Variants in L3MBTL3 observed in about 807,000 individuals in gnomAD.
L3MBTL3 encodes L3MBTL histone methyl-lysine binding protein 3.
Under a neutral mutation model 102.3 loss-of-function variants are expected in L3MBTL3, and 27 were observed. The ratio of observed to expected loss-of-function variants is 0.26; its 90% CI spans 0.19 to 0.36. The LOEUF (loss-of-function observed/expected upper bound fraction) is 0.36. Among genes scored for constraint, L3MBTL3 ranks in the 10% least tolerant of loss-of-function variants. The probability of loss-of-function intolerance (pLI) is 1.00; values close to 1 mark genes in which losing one functional copy is unlikely to be tolerated. For missense variants in L3MBTL3, 798 were observed against 955.3 expected (o/e 0.84, Z 2.17); for synonymous variants, 340 against 320.9 (o/e 1.06, Z -0.64).
In L3MBTL3 at chr6:130,064,361, T is replaced by G. The variant is rs75252976; in HGVS notation, c.865-1992T>G. ...GGGTAACTGGGTTTGCAGACTGGAA[T>G]AGGAGTATGTGTCCCAGGGTTGGAT... On this transcript the variant is annotated intron_variant, in intron 10 of 22. Transcript: ENST00000361794. Among the ~76,000 whole-genome samples, 100 of 152,172 alleles carry G rather than the reference T, an allele frequency of 6.6e-4. 1 individual carries two copies. In the East Asian group the frequency reaches 0.019, roughly 29 times the overall value.
At position 130,107,990 on chromosome 6, in the gene L3MBTL3, C is replaced by T. The variant is rs114446293; in HGVS notation, c.1886+3415C>T. On this transcript the variant is annotated intron_variant, in intron 19 of 22. Coordinates refer to ENST00000361794, the MANE Select transcript of L3MBTL3 (RefSeq NM_032438.4). ...AGCAAGAGCAACACCATGGTGTTTT[C>T]TGTTCCTCCAGAAAAGAGCAGCAGA... 3.3e-3 allele frequency among the ~76,000 whole-genome samples: 509 copies of T among 152,260 alleles called. 5 individuals are homozygous for T. Among genetic ancestry groups the T allele is most frequent in the African/African-American group, 0.012 (485 of 41,562 alleles).
chr6:130,077,865 T>C (rs1562291434), intron 13 of L3MBTL3, among the ~76,000 whole-genome samples: 1 of 152,178 alleles, frequency 6.6e-6, no homozygotes, highest in Admixed American at 6.6e-5. Flanking sequence ...CAGACTATGT[T>C]CTGCAGAACA....
At chr6:130,128,499 G>A (rs186041754) in intron 20 of L3MBTL3, among the ~76,000 whole-genome samples, 114 of 152,234 alleles carry the variant, frequency 7.5e-4, no homozygotes, top group African/African-American at 2.7e-3. Context: ...GCCTTTAAGA[G>A]CACTTCCAAG....
At chr6:130,021,360 G>A (rs926247903) in intron 1 of L3MBTL3, among the ~76,000 whole-genome samples, 1 of 152,226 alleles carries the variant, frequency 6.6e-6, no homozygotes, top group East Asian at 1.9e-4. Context: ...AAAGGATGCT[G>A]ATCAGAAATT....
intron 20 of L3MBTL3, among the ~76,000 whole-genome samples, chr6:130,131,735 T>C (rs1562341501): frequency 6.6e-6 from 1 of 152,224 alleles, no homozygotes; most frequent in Non-Finnish European, 1.5e-5. Context: ...GCCTCCCCTT[T>C]TTAGACTGTA....
At chr6:130,132,938 T>A (rs918754532) in intron 20 of L3MBTL3, among the ~76,000 whole-genome samples, 4 of 152,178 alleles carry the variant, frequency 2.6e-5, no homozygotes, top group African/African-American at 9.6e-5. Flanking sequence ...AAAAATTGAA[T>A]TGGCTATTTA....
At chr6:130,113,785 A>G (rs17632964) in intron 19 of L3MBTL3, among the ~76,000 whole-genome samples, 9,739 of 152,294 alleles carry the variant, frequency 0.064, 452 homozygotes, top group Non-Finnish European at 0.1. Flanking sequence ...TGCTAGTCAC[A>G]CCGAAAGCCG....
intron 6 of L3MBTL3, among the ~76,000 whole-genome samples, 191 bp downstream of exon 6, chr6:130,051,599 T>G (rs994727752): frequency 6.6e-6 from 1 of 152,232 alleles, no homozygotes. Context: ...ATGCCTGGTC[T>G]GAGTTGTATT....
chr6:130,034,298 C>G (rs1779910460), intron 2 of L3MBTL3, among the ~76,000 whole-genome samples: 1 of 152,102 alleles, frequency 6.6e-6, no homozygotes, highest in Admixed American at 6.5e-5. Context: ...CGATTCTCAA[C>G]TTGAAAAAAA....
At chr6:130,047,688 ATTT>A (rs1242946491) in intron 3 of L3MBTL3, among the ~76,000 whole-genome samples, 2 of 152,142 alleles carry the variant, frequency 1.3e-5, no homozygotes, top group East Asian at 3.9e-4. Flanking sequence ...ATTCAAATTG[ATTT>A]TTTATCACAT....
intron 2 of L3MBTL3, among the ~76,000 whole-genome samples, chr6:130,025,124 C>T (rs1562245288): frequency 6.6e-6 from 1 of 152,170 alleles, no homozygotes; most frequent in Admixed American, 6.6e-5. Flanking sequence ...TGAAGATCTA[C>T]ACTATCTTCC....
intron 22 of L3MBTL3, among the ~76,000 whole-genome samples, chr6:130,136,648 C>T (rs183868554): frequency 5.0e-4 from 76 of 151,578 alleles, no homozygotes; most frequent in African/African-American, 1.8e-3. Context: ...GACAGAGCCT[C>T]ACTCTGTCGC....
intron 10 of L3MBTL3, among the ~76,000 whole-genome samples, chr6:130,063,753 C>T (rs1782060716): frequency 6.6e-6 from 1 of 152,168 alleles, no homozygotes; most frequent in Admixed American, 6.5e-5. Context: ...CACTTAGGGA[C>T]ACTAAACAAC....
chr6:130,090,135 T>A (rs1037695923), intron 16 of L3MBTL3, among the ~76,000 whole-genome samples: 2 of 152,168 alleles, frequency 1.3e-5, no homozygotes, highest in African/African-American at 4.8e-5. Flanking sequence ...GGGTTTTGAT[T>A]CTAAGATTAA....
intron 10 of L3MBTL3, among the ~76,000 whole-genome samples, chr6:130,065,299 A>T (rs1190330124): frequency 6.6e-6 from 1 of 152,312 alleles, no homozygotes; most frequent in African/African-American, 2.4e-5. Flanking sequence ...ATATGTATGC[A>T]TATGTGTGTA....
chr6:130,027,945 A>G (rs1212399458), intron 2 of L3MBTL3, among the ~76,000 whole-genome samples: 1 of 152,130 alleles, frequency 6.6e-6, no homozygotes, highest in Non-Finnish European at 1.5e-5. Flanking sequence ...TTTAAAAAAT[A>G]TGTCTGACTC....
chr6:130,122,716 T>C (rs1441548702), intron 20 of L3MBTL3, among the ~76,000 whole-genome samples: 2 of 152,228 alleles, frequency 1.3e-5, no homozygotes, highest in East Asian at 3.8e-4. Flanking sequence ...CTTTGGCCTT[T>C]CTTTGTGAAT....
intron 9 of L3MBTL3, among the ~76,000 whole-genome samples, chr6:130,058,914 C>T (rs1562274466): frequency 6.6e-6 from 1 of 152,018 alleles, no homozygotes; most frequent in Non-Finnish European, 1.5e-5. Context: ...GTGAACATAG[C>T]AAGCTTTTAA....
intron 5 of L3MBTL3, among the ~76,000 whole-genome samples, chr6:130,050,385 A>C (rs548599208): frequency 1.3e-5 from 2 of 152,330 alleles, no homozygotes; most frequent in African/African-American, 4.8e-5. Context: ...ATGTGGTTTC[A>C]TGCTTTCTTG....
Sources: allele counts gnomAD v4.1 joint callset (sites outside exome capture counted in the v4.1 genomes callset), GRCh38; gene constraint gnomAD v4.1.1; transcripts MANE v1.5; gene names NCBI Gene and HGNC (gene_info 2026-07-23, HGNC 2026-07-21).